TBC1D32: variants seen among roughly 807,000 people sequenced by gnomAD.
The protein encoded by TBC1D32 is protein broad-minded.
In TBC1D32, 151 loss-of-function variants were observed where a neutral mutation model predicts 170.3. The ratio of observed to expected loss-of-function variants is 0.89; its 90% CI spans 0.78 to 1.01. The LOEUF (loss-of-function observed/expected upper bound fraction) is 1.01. Ranked by LOEUF, TBC1D32 falls within the 50% of genes least tolerant of loss-of-function variation. The pLI is 0.00. For synonymous variants in TBC1D32, 498 were observed against 488.0 expected (o/e 1.02, Z -0.27); for missense variants, 1,464 against 1,457.1 (o/e 1.00, Z -0.08).
intron 21 of TBC1D32, among the ~76,000 whole-genome samples, chr6:121,212,671 C>A (rs986003192): frequency 2.6e-5 from 4 of 152,026 alleles, no homozygotes; most frequent in Admixed American, 2.6e-4. Flanking sequence ...GCAGGCTGGT[C>A]TCAAACTCCT....
At chr6:121,294,380 G>C (rs554243296) in intron 11 of TBC1D32, among the ~76,000 whole-genome samples, 190 bp downstream of exon 11, 70 of 152,118 alleles carry the variant, frequency 4.6e-4, no homozygotes, top group African/African-American at 1.6e-3. Context: ...TTCAAATGTA[G>C]ATCTGTTATA....
chr6:121,219,084 A>T (rs192774842), intron 21 of TBC1D32, among the ~76,000 whole-genome samples: 1 of 152,320 alleles, frequency 6.6e-6, no homozygotes, highest in African/African-American at 2.4e-5. Flanking sequence ...GGGTTTTGGC[A>T]GAACAATTTA....
intron 15 of TBC1D32, among the ~76,000 whole-genome samples, chr6:121,267,374 G>A (rs1212429595): frequency 6.6e-6 from 1 of 152,156 alleles, no homozygotes; most frequent in East Asian, 1.9e-4. Flanking sequence ...CTAGCCAAGG[G>A]AAGCTATGAC....
chr6:121,294,441 G>C, intron 11 of TBC1D32, 129 bp downstream of exon 11: 1 of 610,926 alleles, frequency 1.6e-6, no homozygotes, highest in Non-Finnish European at 2.9e-6. Context: ...ATATTTTACA[G>C]CATCATTAGT....
intron 24 of TBC1D32, among the ~76,000 whole-genome samples, chr6:121,150,835 G>C (rs1784117173): frequency 1.3e-5 from 2 of 152,058 alleles, no homozygotes; most frequent in East Asian, 3.8e-4. Flanking sequence ...TATTTCTGTG[G>C]GATCAGTGGT....
intron 15 of TBC1D32, among the ~76,000 whole-genome samples, chr6:121,274,120 G>A (rs1280573997): frequency 6.6e-6 from 1 of 152,104 alleles, no homozygotes; most frequent in Non-Finnish European, 1.5e-5. Flanking sequence ...AGATCATGAG[G>A]TCGGGAGGTG....
intron 22 of TBC1D32, among the ~76,000 whole-genome samples, chr6:121,182,944 A>G (rs1350542304): frequency 1.3e-5 from 2 of 152,100 alleles, no homozygotes; most frequent in Non-Finnish European, 2.9e-5. Context: ...TGAAAAAGAT[A>G]AAGTATTAAA....
chr6:121,246,864 T>C (rs921928690), intron 17 of TBC1D32, among the ~76,000 whole-genome samples: 9 of 151,832 alleles, frequency 5.9e-5, no homozygotes, highest in African/African-American at 1.5e-4. Context: ...TATGGGATTA[T>C]GTAAAATGGC....
At chr6:121,242,405 T>C (rs1354164888) in intron 17 of TBC1D32, 66 bp from the exon 18 acceptor site, 35 of 1,511,412 alleles carry the variant, frequency 2.3e-5, no homozygotes, top group East Asian at 1.4e-4. Flanking sequence ...AAAGAGTATG[T>C]CTTAGCTGAG....
chr6:121,235,024 A>G (rs1278481022), intron 20 of TBC1D32, among the ~76,000 whole-genome samples: 1 of 152,126 alleles, frequency 6.6e-6, no homozygotes, highest in Non-Finnish European at 1.5e-5. Context: ...CTGGGCTGGT[A>G]GTAGGGAGTG....
chr6:121,229,558 A>G, intron 20 of TBC1D32, among the ~76,000 whole-genome samples: 1 of 152,116 alleles, frequency 6.6e-6, no homozygotes, highest in East Asian at 1.9e-4. Flanking sequence ...TGGTAAGACT[A>G]GAGGTGGTGG....
At chr6:121,131,537 C>A in intron 25 of TBC1D32, 90 bp downstream of exon 25, 1 of 1,349,874 alleles carries the variant, frequency 7.4e-7, no homozygotes, top group Admixed American at 2.2e-5. Context: ...ATGTTTTCTA[C>A]ATATGCCAAT....
chr6:121,131,711 C>A lies in TBC1D32; in HGVS notation c.2815G>T (p.Asp939Tyr), dbSNP rs765820285. The change falls in exon 25 of 32, where the codon GAT (aspartate) becomes TAT (tyrosine). Residue 939 changes from aspartate (D) to tyrosine (Y), a missense_variant. Asp to Tyr is a radical substitution (Grantham distance 160). Around this residue, in one of 3 missense-constraint regions of TBC1D32, gnomAD observed 1,363 missense variants for 1,338.1 expected, o/e 1.02. Transcript: ENST00000398212. ...TTTTCTATCCATTCAGTTTGTTTATCAGATATTTTGAGGCATAATAAAAGC... is the reference window on the plus strand; with the variant it reads ...TTTTCTATCCATTCAGTTTGTTTATAAGATATTTTGAGGCATAATAAAAGC... ...DKLLLCLKIS[D>Y]KQTEWIENCQ... is the part of the protein sequence containing the mutation. 1.2e-6 allele frequency: 2 copies of A among 1,608,436 alleles called. No individual in the cohort carries two copies. The highest frequency in any genetic ancestry group is 1.1e-5 in the South Asian group (1 of 90,804).
intron 17 of TBC1D32, among the ~76,000 whole-genome samples, chr6:121,248,855 T>C (rs1224913371): frequency 6.6e-6 from 1 of 151,636 alleles, no homozygotes; most frequent in African/African-American, 2.4e-5. Context: ...GATAAATTCA[T>C]AGCTGAATTC....
At chr6:121,279,823 T>C (rs1802742841) in intron 14 of TBC1D32, among the ~76,000 whole-genome samples, 1 of 151,982 alleles carries the variant, frequency 6.6e-6, no homozygotes, top group Non-Finnish European at 1.5e-5. Flanking sequence ...TTTGCCAATA[T>C]ATTACAAAGC....
rs777791020 is a variant in TBC1D32 at position 121,112,628 on chromosome 6, G to A, written c.3201C>T (p.Asp1067=). 2.1e-5 allele frequency: 33 copies of A among 1,600,042 alleles called. No homozygotes were observed. Among genetic ancestry groups the A allele is most frequent in the Middle Eastern group, 1.7e-4 (1 of 6,008 alleles). ...LCLQGNYAGH[D]WFVSSLFMIM... ...TCATGAACAGAGAAGATACAAACCA[G>A]TCATGGCCAGCATAATTCCCTTGCA... Residue 1067 remains aspartate, a synonymous_variant, in exon 29 of 32, where the codon GAC becomes GAT. Transcript: ENST00000398212.
At chr6:121,307,101 G>A (rs949190072) in intron 5 of TBC1D32, among the ~76,000 whole-genome samples, 21 of 151,866 alleles carry the variant, frequency 1.4e-4, no homozygotes, top group African/African-American at 3.9e-4. Context: ...ACAGCCAGGC[G>A]TGGTGGCTCA....
intron 26 of TBC1D32, among the ~76,000 whole-genome samples, chr6:121,121,013 C>T (rs543056251): frequency 1.3e-5 from 2 of 151,750 alleles, no homozygotes; most frequent in African/African-American, 2.4e-5. Context: ...AACTATAATA[C>T]GTTTCTTTGA....
At position 121,226,377 on chromosome 6, in the gene TBC1D32, T is replaced by C. The variant is rs547505020; in HGVS notation, c.2365-3025A>G. 2.6e-5 allele frequency among the ~76,000 whole-genome samples: 4 copies of C among 152,262 alleles called. No homozygotes were observed. The South Asian group carries it at 8.3e-4, about 32-fold the overall frequency. ...GAGGTGAAAGGTAAGTCTGTATAAG[T>C]AGCAGGCAGGCAGTCAGGCAGAGAT... On this transcript the variant is annotated intron_variant, in intron 20 of 31. Coordinates refer to ENST00000398212, the MANE Select transcript of TBC1D32 (RefSeq NM_152730.6).
Sources: gnomAD v4.1 joint callset for allele counts (sites outside exome capture counted in the v4.1 genomes callset) on GRCh38, gnomAD v4.1.1 for gene constraint, gnomAD v4.1.1 regional missense constraint, MANE v1.5 for transcripts, NCBI Gene and HGNC (gene_info 2026-07-23, HGNC 2026-07-21) for gene names.